Variants in SERINC2 observed in about 807,000 individuals in gnomAD.
SERINC2 encodes tumor differentially expressed protein 2.
SERINC2 carries 56 observed loss-of-function variants against 54.2 expected under a neutral mutation model. The observed-to-expected ratio is 1.03, with a 90% CI of 0.83 to 1.29. SERINC2 has a LOEUF of 1.29. Ranked by LOEUF, SERINC2 falls within the 50% of genes most tolerant of loss-of-function variation. The probability of loss-of-function intolerance (pLI) is 0.00; values close to 1 mark genes in which losing one functional copy is unlikely to be tolerated. For missense variants in SERINC2, 614 were observed against 607.4 expected (o/e 1.01, Z -0.12); for synonymous variants, 272 against 253.1 (o/e 1.07, Z -0.71).
chr1:31,434,151 G>A lies in SERINC2; in HGVS notation c.1320G>A (p.Leu440=), dbSNP rs1641401908. 1 of 1,613,888 alleles carries A rather than the reference G, an allele frequency of 6.2e-7. No homozygotes were observed. The highest frequency in any genetic ancestry group is 8.5e-7 in the Non-Finnish European group (1 of 1,179,954). The change falls in exon 10 of 10, where the codon CTG becomes CTA. Residue 440 remains leucine (L), a synonymous_variant. Coordinates refer to ENST00000373709, the MANE Select transcript of SERINC2 (RefSeq NM_178865.5). ...CASWAGLLLY[L]WTLVAPLLLR... Reference sequence around the variant, plus strand: ...GCTGGGCAGGGCTGCTCCTCTACCTGTGGACCCTGGTAGCCCCACTCCTCC... The same window carrying A: ...GCTGGGCAGGGCTGCTCCTCTACCTATGGACCCTGGTAGCCCCACTCCTCC...
At chr1:31,420,827 C>T (rs1357916544) in intron 1 of SERINC2, among the ~76,000 whole-genome samples, 3 of 152,100 alleles carry the variant, frequency 2.0e-5, no homozygotes, top group African/African-American at 7.2e-5. Flanking sequence ...CTGAGTAACC[C>T]TTCGTAAATG....
intron 3 of SERINC2, 122 bp downstream of exon 3, chr1:31,424,995 G>A (rs1640999909): frequency 1.4e-6 from 1 of 736,242 alleles, no homozygotes; most frequent in African/African-American, 1.8e-5. Context: ...GGCACAGCAT[G>A]GAGAACAGCT....
In SERINC2 at chr1:31,424,676, T is replaced by C; in HGVS notation, c.202-7T>C. 1 of 1,587,242 alleles carries C rather than the reference T, an allele frequency of 6.3e-7. No individual in the cohort carries two copies. The highest frequency in any genetic ancestry group is 8.6e-7 in the Non-Finnish European group (1 of 1,166,520). ...GGGCTTTGACGCTGCTCTGTCTGTC[T>C]CCACAGCTGCCCTGGGTGTGTGAGG... On this transcript the variant is annotated splice_region_variant and splice_polypyrimidine_tract_variant and intron_variant, in intron 2 of 9. Coordinates refer to ENST00000373709, the MANE Select transcript of SERINC2 (RefSeq NM_178865.5).
At chr1:31,431,867 A>ATAGGGTGGATAGGGTGGT (rs1641237014) in intron 8 of SERINC2, among the ~76,000 whole-genome samples, 1 of 136,966 alleles carries the variant, frequency 7.3e-6, no homozygotes, top group Non-Finnish European at 1.6e-5. Context: ...GATAGGGTGG[A>ATAGGGTGGATAGGGTGGT]TAGGGTGGAC....
At position 31,429,459 on chromosome 1, in the gene SERINC2, G is replaced by A. The variant is rs200700647; in HGVS notation, c.934G>A (p.Glu312Lys). ...CAACGAGACAGTTGTGGCAGGCCCC[G>A]AGGGCTATGAGACCCAGTGGTGGGA... ...LGNETVVAGP[E>K]GYETQWWDAP... The change falls in exon 8 of 10, where the codon GAG (glutamate) becomes AAG (lysine). Residue 312 changes from glutamate to lysine, a missense_variant. Coordinates refer to ENST00000373709, the MANE Select transcript of SERINC2 (RefSeq NM_178865.5). 210 of 1,613,522 alleles carry A rather than the reference G, an allele frequency of 1.3e-4. No individual in the cohort carries two copies. The East Asian group carries it at 1.8e-3, about 14-fold the overall frequency.
In SERINC2 at chr1:31,424,512, CG is replaced by C. The variant is rs5773361; in HGVS notation, c.202-169del. ...GCCCAGAGAGGGCTAGGAATGGAGG[CG>C]GAGGCAGTGGAGATAGAGGTGAGGG... On this transcript the variant is annotated intron_variant, in intron 2 of 9. Transcript: ENST00000373709. 5.6e-3 allele frequency among the ~76,000 whole-genome samples: 854 copies of C among 152,282 alleles called. 64 individuals are homozygous for C. In the East Asian group the frequency reaches 0.14, roughly 25 times the overall value.
intron 8 of SERINC2, 139 bp from the exon 9 acceptor site, chr1:31,432,828 G>A (rs781789682): frequency 1.5e-6 from 1 of 650,248 alleles, no homozygotes; most frequent in Non-Finnish European, 2.7e-6. Context: ...TAGGGGTAGA[G>A]TTGAGAGGCA....
In SERINC2 at chr1:31,432,956, C is replaced by T. The variant is rs781959299; in HGVS notation, c.1014-11C>T. On this transcript the variant is annotated splice_polypyrimidine_tract_variant and intron_variant, in intron 8 of 9. Coordinates refer to ENST00000373709, the MANE Select transcript of SERINC2 (RefSeq NM_178865.5). ...GCTATCTATTTGCCCACCTTCCTCC[C>T]TCCCCTGCAGTCTGCGCTCCTCAGA... The T allele has an allele frequency of 1.3e-6, 2 of 1,599,438 alleles. No individual in the cohort carries two copies. The highest frequency in any genetic ancestry group is 1.7e-4 in the Middle Eastern group (1 of 5,726).
At chr1:31,432,084 T>TAGGGTGGAC (rs1297998581) in intron 8 of SERINC2, among the ~76,000 whole-genome samples, 3 of 13,442 alleles carry the variant, frequency 2.2e-4, no homozygotes, top group Admixed American at 8.0e-4. Context: ...ACAGGGTGGT[T>TAGGGTGGAC]AGGGTGGACA....
In SERINC2 at chr1:31,428,968, C is replaced by T. The variant is rs1641117287; in HGVS notation, c.781-10C>T. 21 of 1,613,196 alleles carry T rather than the reference C, an allele frequency of 1.3e-5. No individual in the cohort carries two copies. The highest frequency in any genetic ancestry group is 1.8e-5 in the Non-Finnish European group (21 of 1,179,382). ...TCTGGCAGGGGTCTTACCAGGGGTCCTCTTGCCAGGACGCCCAGCCCAACT... is the reference window on the plus strand; with the variant it reads ...TCTGGCAGGGGTCTTACCAGGGGTCTTCTTGCCAGGACGCCCAGCCCAACT... On this transcript the variant is annotated splice_polypyrimidine_tract_variant and intron_variant, in intron 6 of 9. Transcript: ENST00000373709.
At chr1:31,417,558 A>G (rs1553132339) in intron 1 of SERINC2, among the ~76,000 whole-genome samples, 1 of 152,190 alleles carries the variant, frequency 6.6e-6, no homozygotes, top group Non-Finnish European at 1.5e-5. Flanking sequence ...GCATAACATA[A>G]AATGTACCAT....
At position 31,429,379 on chromosome 1, in the gene SERINC2, T is replaced by G. The variant is rs1553134088; in HGVS notation, c.872-18T>G. 6.2e-7 allele frequency: 1 copy of G among 1,602,456 alleles called. No homozygotes were observed. The highest frequency in any genetic ancestry group is 8.5e-7 in the Non-Finnish European group (1 of 1,173,806). ...CCTGGCCTGCATGGGCTGAGGGTGA[T>G]TGTGCTCCCATCTCCAGAACAGAAA... On this transcript the variant is annotated intron_variant, in intron 7 of 9. Coordinates refer to ENST00000373709, the MANE Select transcript of SERINC2 (RefSeq NM_178865.5).
chr1:31,429,144 C>A, intron 7 of SERINC2, 76 bp downstream of exon 7: 1 of 1,339,104 alleles, frequency 7.5e-7, no homozygotes, highest in Non-Finnish European at 1.1e-6. Context: ...GGCTGGGGAC[C>A]CTCACAGGTG....
chr1:31,419,028 G>T (rs1640844936), intron 1 of SERINC2, among the ~76,000 whole-genome samples: 1 of 152,226 alleles, frequency 6.6e-6, no homozygotes, highest in African/African-American at 2.4e-5. Context: ...TAAATTCTGA[G>T]TTCTCCATTC....
At chr1:31,414,445 G>GTA (rs1553131944) in intron 1 of SERINC2, 1 of 997,782 alleles carries the variant, frequency 1.0e-6, no homozygotes, top group Non-Finnish European at 1.2e-6. Flanking sequence ...GTGTGTGTGT[G>GTA]TGTGTGTGTG....
chr1:31,409,810 C>T (rs1553131238), upstream of SERINC2: 4 of 1,553,216 alleles, frequency 2.6e-6, no homozygotes, highest in Non-Finnish European at 3.5e-6. Context: ...GATAGGAGGG[C>T]TCAAAGCCGG....
chr1:31,409,921 C>A, upstream of SERINC2: 1 of 1,392,788 alleles, frequency 7.2e-7, no homozygotes, highest in Non-Finnish European at 9.8e-7. Context: ...TCCTATGTTG[C>A]AGATTTGAAA....
chr1:31,428,940 T>A (rs1641116465), intron 6 of SERINC2, 38 bp from the exon 7 acceptor site: 1 of 1,571,342 alleles, frequency 6.4e-7, no homozygotes, highest in Non-Finnish European at 8.8e-7. Flanking sequence ...GGGGTGTCTC[T>A]GGTCTGGCAG....
intron 6 of SERINC2, 25 bp from the exon 7 acceptor site, chr1:31,428,953 G>A: frequency 1.9e-6 from 3 of 1,605,808 alleles, no homozygotes; most frequent in Admixed American, 1.7e-5. Flanking sequence ...TCTGGCAGGG[G>A]TCTTACCAGG....
Sources: allele counts gnomAD v4.1 joint callset (sites outside exome capture counted in the v4.1 genomes callset), GRCh38; gene constraint gnomAD v4.1.1; transcripts MANE v1.5; gene names NCBI Gene and HGNC (gene_info 2026-07-23, HGNC 2026-07-21).